Variants in HSD17B3 observed in about 807,000 individuals in gnomAD.
The protein encoded by HSD17B3 is 17-beta-hydroxysteroid dehydrogenase type 3.
HSD17B3 carries 29 observed loss-of-function variants against 41.1 expected under a neutral mutation model. That is an observed-to-expected ratio of 0.71 (90% CI 0.53 to 0.96). The LOEUF is 0.96. HSD17B3 is among the 40% of genes least tolerant of loss of function. The pLI is 0.00. For missense variants in HSD17B3, 323 were observed against 374.6 expected, an observed-to-expected ratio of 0.86 and a Z score of 1.14; for synonymous variants, 126 against 145.6, an observed-to-expected ratio of 0.87 and a Z score of 0.97.
At chr9:96,276,147 C>T (rs1417235792) in intron 2 of HSD17B3, among the ~76,000 whole-genome samples, 2 of 89,240 alleles carry the variant, frequency 2.2e-5, no homozygotes, top group African/African-American at 4.2e-5. Context: ...AGAAAGAAGA[C>T]AATTCGATTC....
At chr9:96,299,270 T>G (rs1332938337) in intron 1 of HSD17B3, among the ~76,000 whole-genome samples, 1 of 152,192 alleles carries the variant, frequency 6.6e-6, no homozygotes, top group Non-Finnish European at 1.5e-5. Context: ...AAAGGTACAT[T>G]TAGCTCACCT....
intron 9 of HSD17B3, among the ~76,000 whole-genome samples, chr9:96,242,182 A>G (rs1012576206): frequency 6.6e-6 from 1 of 152,300 alleles, no homozygotes; most frequent in East Asian, 1.9e-4. Context: ...AATTTGTATA[A>G]CACTTTTCTT....
At chr9:96,243,320 C>T (rs183815223) in intron 9 of HSD17B3, among the ~76,000 whole-genome samples, 107 of 152,304 alleles carry the variant, frequency 7.0e-4, no homozygotes, top group African/African-American at 2.5e-3. Flanking sequence ...ACGGCTTCTG[C>T]ATGGCAGAGA....
At chr9:96,252,652 A>G in intron 4 of HSD17B3, 151 bp downstream of exon 4, 1 of 670,414 alleles carries the variant, frequency 1.5e-6, no homozygotes, top group Non-Finnish European at 2.7e-6. Context: ...CTCTAGAAGA[A>G]GTGTGCTTTG....
chr9:96,251,443 A>G lies in HSD17B3; in HGVS notation c.428T>C (p.Phe143Ser). ...GMLPNLLPSHFLNAPDEIQSL... is the reference protein window; with the variant it reads ...GMLPNLLPSHSLNAPDEIQSL... Reference sequence around the variant, plus strand: ...CTGGATTTCATCCGGTGCGTTCAGGAAATGGCTTGGGAGAAGGTTTGGAAG... The same window carrying G: ...CTGGATTTCATCCGGTGCGTTCAGGGAATGGCTTGGGAGAAGGTTTGGAAG... Residue 143 changes from phenylalanine to serine, a missense_variant, in exon 5 of 11, where the codon TTC becomes TCC. By Grantham distance (155) the Phe-to-Ser change is radical. Coordinates refer to ENST00000375263, the MANE Select transcript of HSD17B3 (RefSeq NM_000197.2). The G allele has an allele frequency of 6.2e-7, 1 of 1,614,218 alleles. No homozygotes were observed. Among genetic ancestry groups the G allele is most frequent in the Non-Finnish European group, 8.5e-7 (1 of 1,180,018 alleles).
rs145703926 is a variant in HSD17B3 at position 96,254,805 on chromosome 9, T to C, written c.277+63A>G. On this transcript the variant is annotated intron_variant, in intron 3 of 10. Coordinates refer to ENST00000375263, the MANE Select transcript of HSD17B3 (RefSeq NM_000197.2). The stretch of plus-strand genomic sequence containing the variant: ...GGGATGCCAAGTACATCAACTGGCA[T>C]GGTGGGAGCAGGCTTGGTTGGAGGG... 179 of 1,379,882 alleles carry C rather than the reference T, an allele frequency of 1.3e-4. 1 individual carries two copies. Among genetic ancestry groups the C allele is most frequent in the Middle Eastern group, 9.6e-4 (5 of 5,234 alleles). 85.5% of individuals were successfully genotyped at this position (1,379,882 alleles called of 1,614,324 possible).
At chr9:96,244,496 G>T in intron 8 of HSD17B3, 102 bp from the exon 9 acceptor site, 2 of 1,059,792 alleles carry the variant, frequency 1.9e-6, no homozygotes, top group Non-Finnish European at 3.0e-6. Context: ...CTACCTGCTA[G>T]ACCTTAAAAT....
chr9:96,264,200 T>C (rs1825963312), intron 2 of HSD17B3, among the ~76,000 whole-genome samples: 1 of 152,086 alleles, frequency 6.6e-6, no homozygotes, highest in African/African-American at 2.4e-5. Flanking sequence ...TAGTTCTACC[T>C]ATGGATTAGT....
chr9:96,264,373 G>A lies in HSD17B3; in HGVS notation c.202-9430C>T, dbSNP rs906165834. Among the ~76,000 whole-genome samples, 8 of 152,146 alleles carry A rather than the reference G, an allele frequency of 5.3e-5. No individual in the cohort carries two copies. In the South Asian group the frequency reaches 1.7e-3, roughly 32 times the overall value. On this transcript the variant is annotated intron_variant, in intron 2 of 10. Transcript: ENST00000375263. ...AGAAAATAAATGAGAGAGGGACTTT[G>A]TATGGATCAATGATAATAACTCAAT...
At chr9:96,250,930 T>G (rs1295012855) in intron 5 of HSD17B3, among the ~76,000 whole-genome samples, 3 of 151,050 alleles carry the variant, frequency 2.0e-5, no homozygotes, top group Admixed American at 1.3e-4. Flanking sequence ...AAAAATGTAC[T>G]CCCAACCAAC....
chr9:96,247,040 C>T (rs527387941), intron 6 of HSD17B3, among the ~76,000 whole-genome samples: 1 of 152,236 alleles, frequency 6.6e-6, no homozygotes, highest in African/African-American at 2.4e-5. Context: ...CAACAGCAAC[C>T]GCTTACGCAG....
At chr9:96,290,971 A>G (rs1827134698) in intron 2 of HSD17B3, among the ~76,000 whole-genome samples, 1 of 152,154 alleles carries the variant, frequency 6.6e-6, no homozygotes, top group Non-Finnish European at 1.5e-5. Flanking sequence ...ACACCTTGGG[A>G]AAAACTATGA....
chr9:96,248,388 T>C (rs1174957469), intron 6 of HSD17B3, among the ~76,000 whole-genome samples: 1 of 152,210 alleles, frequency 6.6e-6, no homozygotes, highest in Non-Finnish European at 1.5e-5. Flanking sequence ...CCATTTCCCC[T>C]CCTTATCTTA....
intron 2 of HSD17B3, among the ~76,000 whole-genome samples, chr9:96,295,492 A>G: frequency 6.7e-6 from 1 of 149,740 alleles, no homozygotes; most frequent in African/African-American, 2.5e-5. Flanking sequence ...CCGCCACCAC[A>G]CCCAGCTAAT....
At chr9:96,270,110 A>ACAGG (rs1826186498) in intron 2 of HSD17B3, among the ~76,000 whole-genome samples, 1 of 152,180 alleles carries the variant, frequency 6.6e-6, no homozygotes, top group Non-Finnish European at 1.5e-5. Context: ...AATGTGGCAT[A>ACAGG]CAGGCAGCTT....
At chr9:96,243,325 C>T (rs1836525407) in intron 9 of HSD17B3, among the ~76,000 whole-genome samples, 1 of 152,174 alleles carries the variant, frequency 6.6e-6, no homozygotes, top group African/African-American at 2.4e-5. Flanking sequence ...TTCTGCATGG[C>T]AGAGAAAGGG....
chr9:96,254,752 G>T, intron 3 of HSD17B3, 116 bp downstream of exon 3: 1 of 868,150 alleles, frequency 1.2e-6, no homozygotes, highest in South Asian at 1.4e-5. Context: ...CAGGAGAGCT[G>T]GTGCCCCAGG....
intron 2 of HSD17B3, among the ~76,000 whole-genome samples, chr9:96,264,559 G>C (rs985299581): frequency 3.3e-5 from 5 of 152,146 alleles, no homozygotes; most frequent in Non-Finnish European, 7.3e-5. Flanking sequence ...TTTTAGTAGA[G>C]ACGGGGTTTT....
At chr9:96,287,249 G>A (rs1826958674) in intron 2 of HSD17B3, among the ~76,000 whole-genome samples, 1 of 152,176 alleles carries the variant, frequency 6.6e-6, no homozygotes, top group Non-Finnish European at 1.5e-5. Flanking sequence ...CAGAGGCCAA[G>A]GGAGCCCAGT....
Sources: gnomAD v4.1 joint callset for allele counts (sites outside exome capture counted in the v4.1 genomes callset) on GRCh38, gnomAD v4.1.1 for gene constraint, MANE v1.5 for transcripts, NCBI Gene and HGNC (gene_info 2026-07-23, HGNC 2026-07-21) for gene names.